The following TF variants were observed in gnomAD, a reference collection of about 807,000 sequenced individuals.
TF encodes serotransferrin.
In TF, 55 loss-of-function variants were observed where a neutral mutation model predicts 82.4. The observed-to-expected ratio is 0.67, with a 90% CI of 0.54 to 0.84. The LOEUF (loss-of-function observed/expected upper bound fraction) is 0.84, where lower values mean the gene tolerates loss of function less well. TF is among the 40% of genes least tolerant of loss of function. The probability of loss-of-function intolerance (pLI) is 0.00; values close to 1 mark genes in which losing one functional copy is unlikely to be tolerated. For synonymous variants in TF, 332 were observed against 332.6 expected (o/e 1.00, Z 0.02); for missense variants, 737 against 868.4 (o/e 0.85, Z 1.90).
At chr3:133,698,937 C>A in the TF span, among the ~76,000 whole-genome samples, 2 of 152,228 alleles carry the variant, frequency 1.3e-5, no homozygotes, top group African/African-American at 4.8e-5. Context: ...CTTTTCCCAG[C>A]AGGCTCTGCA....
intron 2 of TF, among the ~76,000 whole-genome samples, chr3:133,749,534 C>G (rs867321651): frequency 6.6e-6 from 1 of 152,184 alleles, no homozygotes; most frequent in South Asian, 2.1e-4. Context: ...GGAGAGTGTT[C>G]TGACAGGGAC....
intron 2 of TF, among the ~76,000 whole-genome samples, chr3:133,751,656 G>A (rs1340779155): frequency 2.0e-5 from 3 of 152,150 alleles, no homozygotes; most frequent in African/African-American, 4.8e-5. Context: ...ATAAAACAAC[G>A]TGAATGCATG....
upstream of TF, among the ~76,000 whole-genome samples, chr3:133,743,819 T>C (rs1461877260): frequency 6.6e-6 from 1 of 152,170 alleles, no homozygotes; most frequent in Non-Finnish European, 1.5e-5. Flanking sequence ...GTTAACCTCT[T>C]ACCTTCACAT....
chr3:133,753,934 A>G (rs1933747820), intron 3 of TF: 3 of 609,344 alleles, frequency 4.9e-6, no homozygotes, highest in Admixed American at 2.7e-5. Context: ...CCAGGGGCAT[A>G]TGCTTATCAG....
chr3:133,778,603 A>G lies in TF; in HGVS notation c.2080A>G (p.Thr694Ala), dbSNP rs760187764. 6 of 1,613,454 alleles carry G rather than the reference A, an allele frequency of 3.7e-6. No homozygotes were observed. The Admixed American group carries it at 1.0e-4, about 27-fold the overall frequency. ...CSTSSLLEAC[T>A]FRRP ...CTCCACAGCACTCCTGGAAGCCTGCACTTTCCGTAGACCTTAAAATCTCAG... is the reference window on the plus strand; with the variant it reads ...CTCCACAGCACTCCTGGAAGCCTGCGCTTTCCGTAGACCTTAAAATCTCAG... Residue 694 changes from threonine (T) to alanine (A), a missense_variant, in exon 17 of 17, where the codon ACT becomes GCT. Thr to Ala is a moderately conservative substitution (Grantham distance 58). Coordinates refer to ENST00000402696, the MANE Select transcript of TF (RefSeq NM_001063.4).
At chr3:133,721,433 T>C in the TF span, among the ~76,000 whole-genome samples, 2 of 152,204 alleles carry the variant, frequency 1.3e-5, no homozygotes, top group East Asian at 3.8e-4. Flanking sequence ...TTGTATACCA[T>C]TGTGGTTAGA....
the TF span, among the ~76,000 whole-genome samples, chr3:133,729,056 C>G: frequency 6.6e-6 from 1 of 152,216 alleles, no homozygotes; most frequent in Non-Finnish European, 1.5e-5. Flanking sequence ...AGGTGTCAGT[C>G]TGCCCCTACT....
chr3:133,727,079 G>A, the TF span, among the ~76,000 whole-genome samples: 10 of 152,250 alleles, frequency 6.6e-5, no homozygotes, highest in Middle Eastern at 3.4e-3. Context: ...TTGCAACTAT[G>A]TGGTCAATTT....
At chr3:133,740,493 G>T in the TF span, among the ~76,000 whole-genome samples, 12 of 152,038 alleles carry the variant, frequency 7.9e-5, no homozygotes, top group Non-Finnish European at 1.3e-4. Context: ...ACCATGCCCG[G>T]CTAATTTTTG....
chr3:133,746,260 G>A (rs1933494080), upstream of TF: 1 of 687,646 alleles, frequency 1.5e-6, no homozygotes, highest in South Asian at 1.7e-5. Flanking sequence ...GTGATCAGTG[G>A]GACGAGTAAG....
intron 9 of TF, chr3:133,762,044 A>C (rs2107921951): frequency 5.8e-6 from 1 of 172,592 alleles, no homozygotes; most frequent in Non-Finnish European, 1.3e-5. Flanking sequence ...AAGCTGATTT[A>C]TTTGAAGATG....
chr3:133,743,716 G>T (rs1016495284), upstream of TF, among the ~76,000 whole-genome samples: 1 of 152,184 alleles, frequency 6.6e-6, no homozygotes, highest in Non-Finnish European at 1.5e-5. Context: ...AAAAGGGACA[G>T]TGATTCTCCA....
the TF span, among the ~76,000 whole-genome samples, chr3:133,714,678 T>TG: frequency 3.4e-5 from 5 of 148,572 alleles, no homozygotes; most frequent in East Asian, 6.2e-4. Context: ...TTGAGTTGTT[T>TG]TTTTGTTTGT....
Position 133,782,788 on chromosome 3 carries a change from T to C in TF, c.*4168T>C, listed in dbSNP as rs1934545042. 1 of 61,554 alleles carries C rather than the reference T, an allele frequency of 1.6e-5. No individual in the cohort carries two copies. Among genetic ancestry groups the C allele is most frequent in the African/African-American group, 7.2e-5 (1 of 13,932 alleles). 3.8% of individuals were successfully genotyped at this position (61,554 alleles called of 1,614,324 possible). ...CTAGGCAACATGACAAAACCCCATCTCTGCAAAAAAAAAAAAAAAAACAAA... is the reference window on the plus strand; with the variant it reads ...CTAGGCAACATGACAAAACCCCATCCCTGCAAAAAAAAAAAAAAAAACAAA... On this transcript the variant is annotated 3_prime_UTR_variant, in exon 17 of 17. Transcript: ENST00000402696.
At chr3:133,662,490 G>GAT in the TF span, 1 of 152,230 alleles carries the variant, frequency 6.6e-6, no homozygotes, top group Non-Finnish European at 1.5e-5. Context: ...GGGAAGAAAG[G>GAT]ATGACTTATT....
chr3:133,780,300 T>C lies in TF; in HGVS notation c.*1680T>C, dbSNP rs376072537. The C allele has an allele frequency of 6.6e-5, 10 of 152,324 alleles. No homozygotes were observed. Among genetic ancestry groups the C allele is most frequent in the Middle Eastern group, 3.4e-3 (1 of 294 alleles). 9.4% of individuals were successfully genotyped at this position (152,324 alleles called of 1,614,324 possible). Reference sequence around the variant, plus strand: ...TTCCTTTGTTTGGTGAGATACCCCATGGCTCCCCTGGGACGCAGTCTGTCT... The same window carrying C: ...TTCCTTTGTTTGGTGAGATACCCCACGGCTCCCCTGGGACGCAGTCTGTCT... On this transcript the variant is annotated 3_prime_UTR_variant, in exon 17 of 17. Transcript: ENST00000402696.
the TF span, among the ~76,000 whole-genome samples, chr3:133,681,578 T>C: frequency 0.01 from 1,546 of 151,796 alleles, 28 homozygotes; most frequent in African/African-American, 0.036. Flanking sequence ...CAGAGGGTCC[T>C]ACACCCATGG....
rs1018904892 is a variant in TF, at chr3:133,775,380, G to A, written c.1688-53G>A. The A allele has an allele frequency of 2.7e-5, 43 of 1,597,404 alleles. 1 individual carries two copies. The South Asian group carries it at 4.3e-4, about 16-fold the overall frequency. On this transcript the variant is annotated intron_variant, in intron 14 of 16. Transcript: ENST00000402696. ...CCACTGAGTCAGTTCCATCTCCCCA[G>A]CGGGGCACCTTGACCAAAGCCATCA...
chr3:133,729,176 C>T, the TF span, among the ~76,000 whole-genome samples: 1 of 152,330 alleles, frequency 6.6e-6, no homozygotes, highest in Admixed American at 6.5e-5. Context: ...AGAACCACTG[C>T]TCTCTTCAAA....
Sources: gnomAD v4.1 joint callset for allele counts (sites outside exome capture counted in the v4.1 genomes callset) on GRCh38, gnomAD v4.1.1 for gene constraint, MANE v1.5 for transcripts, NCBI Gene and HGNC (gene_info 2026-07-23, HGNC 2026-07-21) for gene names.